ATP2C2: variants seen among roughly 807,000 people sequenced by gnomAD.
The protein encoded by ATP2C2 is ATPase secretory pathway Ca2+ transporting 2.
ATP2C2 carries 171 observed loss-of-function variants against 110.8 expected under a neutral mutation model. The ratio of observed to expected loss-of-function variants is 1.54; its 90% CI spans 1.36 to 1.75. The LOEUF (loss-of-function observed/expected upper bound fraction) is 1.75. Among genes scored for constraint, ATP2C2 ranks in the 40% most tolerant of loss-of-function variants. ATP2C2 has a pLI of 0.00. For missense variants in ATP2C2, 1,963 were observed against 1,235.0 expected (o/e 1.59, Z -8.84); for synonymous variants, 804 against 508.4 (o/e 1.58, Z -7.82).
intron 6 of ATP2C2, chr16:84,411,047 G>A (rs367787218): frequency 2.0e-6 from 1 of 508,168 alleles, no homozygotes; most frequent in East Asian, 3.6e-5. Context: ...GAAGAGGGTA[G>A]CCCACAAAGC....
intron 15 of ATP2C2, among the ~76,000 whole-genome samples, chr16:84,443,772 A>T (rs887141031): frequency 6.6e-6 from 1 of 151,954 alleles, no homozygotes; most frequent in African/African-American, 2.4e-5. Flanking sequence ...CCAACCTCCC[A>T]CACCACTGCC....
At position 84,440,856 on chromosome 16, in the gene ATP2C2, G is replaced by A. The variant is rs769842520; in HGVS notation, c.1210-1G>A. ...ACCCTTTCTTCTGCCTCGCCCTGCA[G>A]GTCAGCGGAGTTGGGTATGACGGTC... is the stretch of plus-strand genomic sequence containing the variant. On this transcript the variant is annotated splice_acceptor_variant, in intron 13 of 26. Transcript: ENST00000262429. LOFTEE classifies it high-confidence loss of function. 7 of 1,611,958 alleles carry A rather than the reference G, an allele frequency of 4.3e-6. No individual in the cohort carries two copies. The Admixed American group carries it at 1.2e-4, about 27-fold the overall frequency.
intron 11 of ATP2C2, among the ~76,000 whole-genome samples, chr16:84,437,810 C>A (rs1226126605): frequency 6.6e-6 from 1 of 152,254 alleles, no homozygotes; most frequent in Non-Finnish European, 1.5e-5. Context: ...GCCACCACCC[C>A]CTGCCTAGAA....
intron 19 of ATP2C2, 39 bp downstream of exon 19, chr16:84,453,274 C>T (rs774081155): frequency 1.2e-6 from 2 of 1,613,908 alleles, no homozygotes; most frequent in Non-Finnish European, 1.7e-6. Context: ...GGGGCTGGGT[C>T]ACAGCTTTGA....
chr16:84,437,585 G>A (rs1264407307), intron 11 of ATP2C2, among the ~76,000 whole-genome samples: 2 of 152,016 alleles, frequency 1.3e-5, no homozygotes, highest in Non-Finnish European at 2.9e-5. Context: ...GCGCAGTCTC[G>A]GTTCACTGCA....
chr16:84,426,725 C>G (rs1199536494), intron 11 of ATP2C2, among the ~76,000 whole-genome samples: 1 of 152,202 alleles, frequency 6.6e-6, no homozygotes, highest in Non-Finnish European at 1.5e-5. Context: ...TGGTTTACAA[C>G]TCTATCCAAG....
intron 11 of ATP2C2, among the ~76,000 whole-genome samples, chr16:84,433,484 C>T (rs1034979706): frequency 2.6e-5 from 4 of 152,088 alleles, no homozygotes; most frequent in African/African-American, 9.7e-5. Flanking sequence ...GAAACCTCGT[C>T]TCTACTAAAA....
At position 84,453,130 on chromosome 16, in the gene ATP2C2, T is replaced by G. The variant is rs368303445; in HGVS notation, c.1832-8T>G. 28 of 1,603,768 alleles carry G rather than the reference T, an allele frequency of 1.7e-5. No individual in the cohort carries two copies. The African/African-American group carries it at 3.7e-4, about 21-fold the overall frequency. On this transcript the variant is annotated splice_region_variant and splice_polypyrimidine_tract_variant and intron_variant, in intron 18 of 26. Coordinates refer to ENST00000262429, the MANE Select transcript of ATP2C2 (RefSeq NM_014861.4). Reference sequence around the variant, plus strand: ...CAGAGCAGGCCCTCAGAACAGGTTCTTCTGAAGGAAGAAACATCGGCCTGT... The same window carrying G: ...CAGAGCAGGCCCTCAGAACAGGTTCGTCTGAAGGAAGAAACATCGGCCTGT...
At chr16:84,421,313 T>C (rs56130240) in intron 7 of ATP2C2, among the ~76,000 whole-genome samples, 33,955 of 152,190 alleles carry the variant, frequency 0.22, 4,101 homozygotes, top group Non-Finnish European at 0.27. Context: ...GGGAAGGAAG[T>C]GGGGAGACGG....
chr16:84,411,350 C>T lies in ATP2C2; in HGVS notation c.515+585C>T, dbSNP rs1906269359. 2.6e-5 allele frequency among the ~76,000 whole-genome samples: 4 copies of T among 152,170 alleles called. No individual in the cohort carries two copies. The South Asian group carries it at 8.3e-4, about 31-fold the overall frequency. ...TAAAATGTCTGCCAGTACCACATGG[C>T]CCTTTCTGCTTAGCGTAGCCCTGTG... On this transcript the variant is annotated intron_variant, in intron 6 of 26. Coordinates refer to ENST00000262429, the MANE Select transcript of ATP2C2 (RefSeq NM_014861.4).
At chr16:84,419,898 T>A (rs1354712305) in intron 7 of ATP2C2, among the ~76,000 whole-genome samples, 1 of 152,148 alleles carries the variant, frequency 6.6e-6, no homozygotes, top group Non-Finnish European at 1.5e-5. Context: ...ATTTCCCAAA[T>A]GGGAGAGACT....
intron 7 of ATP2C2, among the ~76,000 whole-genome samples, chr16:84,421,693 A>G (rs1057468871): frequency 4.6e-5 from 7 of 152,150 alleles, no homozygotes; most frequent in Non-Finnish European, 7.4e-5. Context: ...CGTTTCTGGA[A>G]CCAGAGCTTC....
chr16:84,462,271 T>G, intron 26 of ATP2C2, 142 bp downstream of exon 26: 4 of 1,110,152 alleles, frequency 3.6e-6, no homozygotes, highest in African/African-American at 1.6e-5. Context: ...TTCAGGGCCC[T>G]TCTGTCCTCA....
intron 3 of ATP2C2, among the ~76,000 whole-genome samples, chr16:84,406,408 C>G (rs1597777782): frequency 6.6e-6 from 1 of 152,184 alleles, no homozygotes; most frequent in East Asian, 1.9e-4. Context: ...GCTCTTGGCC[C>G]CATCCCTGAC....
chr16:84,419,208 TAAAAAAAAAAAAAAA>T (rs59552270), intron 7 of ATP2C2, among the ~76,000 whole-genome samples: 16 of 47,470 alleles, frequency 3.4e-4, no homozygotes, highest in African/African-American at 6.6e-4. Flanking sequence ...ACCCCATCTT[TAAAAAAAAAAAAAAA>T]AAAAAAAAAA....
At chr16:84,400,811 C>G (rs1026952240) in intron 2 of ATP2C2, among the ~76,000 whole-genome samples, 2 of 152,188 alleles carry the variant, frequency 1.3e-5, no homozygotes, top group Non-Finnish European at 2.9e-5. Context: ...TTGCATTTCT[C>G]TGATCACAGA....
In ATP2C2 at chr16:84,382,564, C is replaced by A. The variant is rs79377089; in HGVS notation, c.99+13850C>A. On this transcript the variant is annotated intron_variant, in intron 1 of 26. Coordinates refer to ENST00000262429, the MANE Select transcript of ATP2C2 (RefSeq NM_014861.4). The stretch of plus-strand genomic sequence containing the variant: ...GGGGGCTGATCTGTTCAGCTCAACA[C>A]CATTGCAGCCAGGGCTCAAAGGCTG... 2.6e-5 allele frequency among the ~76,000 whole-genome samples: 4 copies of A among 152,304 alleles called. No individual in the cohort carries two copies. In the East Asian group the frequency reaches 7.7e-4, roughly 29 times the overall value.
chr16:84,433,725 C>T lies in ATP2C2; in HGVS notation c.987-5441C>T, dbSNP rs568445769. The stretch of plus-strand genomic sequence containing the variant: ...ACACACCCTCCTGCCAATAATGGTG[C>T]ATCCAATCCCTGTCTTATAAGCCAT... On this transcript the variant is annotated intron_variant, in intron 11 of 26. Coordinates refer to ENST00000262429, the MANE Select transcript of ATP2C2 (RefSeq NM_014861.4). Among the ~76,000 whole-genome samples, 5 of 152,194 alleles carry T rather than the reference C, an allele frequency of 3.3e-5. No individual in the cohort carries two copies. In the South Asian group the frequency reaches 1.0e-3, roughly 32 times the overall value.
At chr16:84,378,347 G>T (rs933523649) in intron 1 of ATP2C2, among the ~76,000 whole-genome samples, 1 of 152,158 alleles carries the variant, frequency 6.6e-6, no homozygotes. Flanking sequence ...CATGGATTTA[G>T]GCAGGTGTAA....
Sources: gnomAD v4.1 joint callset for allele counts (sites outside exome capture counted in the v4.1 genomes callset) on GRCh38, gnomAD v4.1.1 for gene constraint, MANE v1.5 for transcripts, NCBI Gene and HGNC (gene_info 2026-07-23, HGNC 2026-07-21) for gene names.